GLI3: variants seen among roughly 807,000 people sequenced by gnomAD.
GLI3 encodes the protein transcription activator GLI3.
In GLI3, 20 loss-of-function variants were observed where a neutral mutation model predicts 100.8. The observed-to-expected ratio is 0.20, with a 90% CI of 0.14 to 0.29. GLI3 has a LOEUF of 0.29. Among genes scored for constraint, GLI3 ranks in the 10% least tolerant of loss-of-function variants. The probability of loss-of-function intolerance (pLI) is 1.00; values close to 1 mark genes in which losing one functional copy is unlikely to be tolerated. For synonymous variants in GLI3, 938 were observed against 860.5 expected (o/e 1.09, Z -1.58); for missense variants, 2,040 against 2,128.5 (o/e 0.96, Z 0.82).
At chr7:42,252,753 T>C (rs1789047293) in intron 1 of GLI3, among the ~76,000 whole-genome samples, 2 of 152,218 alleles carry the variant, frequency 1.3e-5, no homozygotes, top group Admixed American at 1.3e-4. Flanking sequence ...GTGAAACACT[T>C]GAGCTTGCTT....
chr7:42,040,253 A>G lies in GLI3; in HGVS notation c.827-14T>C. On this transcript the variant is annotated splice_polypyrimidine_tract_variant and intron_variant, in intron 6 of 14. Transcript: ENST00000395925. ...AGAATCTGGTGCCTGTTATATAAACAAAAAAGAACCTAATTACCTGCAGTT... is the reference window on the plus strand; with the variant it reads ...AGAATCTGGTGCCTGTTATATAAACGAAAAAGAACCTAATTACCTGCAGTT... 6.3e-7 allele frequency: 1 copy of G among 1,597,866 alleles called. No individual in the cohort carries two copies. Among genetic ancestry groups the G allele is most frequent in the African/African-American group, 1.3e-5 (1 of 74,708 alleles).
chr7:42,212,581 T>G (rs908404952), intron 2 of GLI3, among the ~76,000 whole-genome samples: 3 of 152,200 alleles, frequency 2.0e-5, no homozygotes, highest in African/African-American at 4.8e-5. Flanking sequence ...ACACAATTAT[T>G]GTCTGTATCA....
intron 6 of GLI3, among the ~76,000 whole-genome samples, chr7:42,040,970 G>T (rs924377409): frequency 6.6e-6 from 1 of 152,164 alleles, no homozygotes; most frequent in Non-Finnish European, 1.5e-5. Flanking sequence ...CCACAATAAA[G>T]AATTATCTGG....
intron 1 of GLI3, among the ~76,000 whole-genome samples, chr7:42,261,656 A>G (rs1480563001): frequency 6.6e-6 from 1 of 152,230 alleles, no homozygotes; most frequent in Non-Finnish European, 1.5e-5. Flanking sequence ...TACTCAGTAC[A>G]TTAGTTTGTG....
intron 4 of GLI3, among the ~76,000 whole-genome samples, chr7:42,075,346 C>T (rs1784858277): frequency 6.6e-6 from 1 of 152,148 alleles, no homozygotes; most frequent in Non-Finnish European, 1.5e-5. Context: ...ATTAGCCATC[C>T]ATGTCTCCGA....
At chr7:42,213,091 T>C (rs1241677165) in intron 2 of GLI3, among the ~76,000 whole-genome samples, 2 of 152,230 alleles carry the variant, frequency 1.3e-5, no homozygotes, top group Admixed American at 6.5e-5. Flanking sequence ...CGTCACCATG[T>C]GGGGAGGGAA....
At position 42,259,757 on chromosome 7, in the gene GLI3, C is replaced by T. The variant is rs145612574; in HGVS notation, c.-43+4237G>A. 2.3e-3 allele frequency among the ~76,000 whole-genome samples: 356 copies of T among 152,220 alleles called. 1 individual carries two copies. Among genetic ancestry groups the T allele is most frequent in the African/African-American group, 8.3e-3 (346 of 41,530 alleles). On this transcript the variant is annotated intron_variant, in intron 1 of 2. Coordinates refer to the GLI3 transcript ENST00000678978. ...AGTAATCTCTGACAATTAGCATTAC[C>T]CACCAAAAGAAGACATTTAGGATCC... is the stretch of plus-strand genomic sequence containing the variant.
intron 2 of GLI3, among the ~76,000 whole-genome samples, chr7:42,202,010 A>T (rs1025807837): frequency 6.8e-6 from 1 of 146,762 alleles, no homozygotes; most frequent in Admixed American, 7.1e-5. Context: ...TGAACCCAGG[A>T]GGCAGAGGTC....
At chr7:42,073,596 T>C (rs1349858023) in intron 4 of GLI3, among the ~76,000 whole-genome samples, 2 of 152,228 alleles carry the variant, frequency 1.3e-5, no homozygotes, top group Non-Finnish European at 1.5e-5. Context: ...GAGCAATTTA[T>C]AAACCTCTTT....
At chr7:42,047,966 A>G (rs1405753) in intron 5 of GLI3, among the ~76,000 whole-genome samples, 96,454 of 151,594 alleles carry the variant, frequency 0.64, 32,448 homozygotes, top group African/African-American at 0.87. Flanking sequence ...ATGCAGAATC[A>G]CGTTTTATCA....
intron 2 of GLI3, among the ~76,000 whole-genome samples, chr7:42,148,720 G>C (rs1052581829): frequency 2.6e-5 from 4 of 152,160 alleles, no homozygotes; most frequent in African/African-American, 9.7e-5. Context: ...ATTAAACTGA[G>C]ATGTAGGGGT....
At chr7:42,177,748 T>C (rs957937686) in intron 2 of GLI3, among the ~76,000 whole-genome samples, 1 of 152,192 alleles carries the variant, frequency 6.6e-6, no homozygotes, top group Admixed American at 6.5e-5. Flanking sequence ...GAAGGTTTAA[T>C]AGAGCGAAGC....
intron 4 of GLI3, among the ~76,000 whole-genome samples, chr7:42,069,036 G>A (rs1784732661): frequency 6.6e-6 from 1 of 152,112 alleles, no homozygotes; most frequent in Non-Finnish European, 1.5e-5. Context: ...GTACCTCCCA[G>A]GCCCCCGCAA....
At chr7:42,127,899 C>T (rs1659017461) in intron 3 of GLI3, among the ~76,000 whole-genome samples, 1 of 151,674 alleles carries the variant, frequency 6.6e-6, no homozygotes, top group African/African-American at 2.4e-5. Flanking sequence ...GTGGTCCCAG[C>T]TACTCAGGAG....
chr7:42,102,066 T>G (rs1785476474), intron 3 of GLI3, among the ~76,000 whole-genome samples: 1 of 151,978 alleles, frequency 6.6e-6, no homozygotes, highest in Non-Finnish European at 1.5e-5. Context: ...GTGCCACATT[T>G]TCTTAATCCA....
intron 3 of GLI3, among the ~76,000 whole-genome samples, chr7:42,123,533 G>C (rs1310670845): frequency 6.6e-6 from 1 of 152,130 alleles, no homozygotes; most frequent in Non-Finnish European, 1.5e-5. Context: ...CTTACTTCTT[G>C]TTGTTAATTC....
intron 2 of GLI3, among the ~76,000 whole-genome samples, chr7:42,166,923 T>C (rs1260582403): frequency 2.6e-5 from 4 of 151,986 alleles, no homozygotes; most frequent in African/African-American, 9.7e-5. Flanking sequence ...CCTCCGGGGT[T>C]TGAGCAATTC....
chr7:42,136,385 A>C (rs1786428822), intron 3 of GLI3, among the ~76,000 whole-genome samples: 1 of 152,122 alleles, frequency 6.6e-6, no homozygotes, highest in Non-Finnish European at 1.5e-5. Context: ...AGGCTGTATA[A>C]TCTCCATAAT....
At chr7:42,044,178 C>T (rs550217839) in intron 6 of GLI3, among the ~76,000 whole-genome samples, 1 of 152,290 alleles carries the variant, frequency 6.6e-6, no homozygotes, top group African/African-American at 2.4e-5. Context: ...ATATGCTCGC[C>T]CTCTGTCACA....
Sources: gnomAD v4.1 joint callset for allele counts (sites outside exome capture counted in the v4.1 genomes callset) on GRCh38, gnomAD v4.1.1 for gene constraint, MANE v1.5 for transcripts, NCBI Gene and HGNC (gene_info 2026-07-23, HGNC 2026-07-21) for gene names.